SLC25A37: variants seen among roughly 807,000 people sequenced by gnomAD.
The protein encoded by SLC25A37 is solute carrier family 25 member 37.
In SLC25A37, 17 loss-of-function variants were observed where a neutral mutation model predicts 31.0. The observed-to-expected ratio is 0.55, with a 90% CI of 0.38 to 0.82. SLC25A37 has a LOEUF of 0.82. Ranked by LOEUF, SLC25A37 falls within the 40% of genes least tolerant of loss-of-function variation. The probability of loss-of-function intolerance (pLI) is 0.00; values close to 1 mark genes in which losing one functional copy is unlikely to be tolerated. For synonymous variants in SLC25A37, 222 were observed against 193.0 expected, an observed-to-expected ratio of 1.15 and a Z score of -1.24; for missense variants, 404 against 465.8, an observed-to-expected ratio of 0.87 and a Z score of 1.22.
At chr8:23,561,144 C>G (rs1034621911) in intron 1 of SLC25A37, among the ~76,000 whole-genome samples, 4 of 152,188 alleles carry the variant, frequency 2.6e-5, no homozygotes, top group African/African-American at 9.6e-5. Context: ...TTGCATGACT[C>G]ACTTCCCAAG....
In SLC25A37 at chr8:23,533,942, C is replaced by G. The variant is rs548190189; in HGVS notation, c.210+4730C>G. ...CTCTTTCTCTTTTTTTTCTCCCTCT[C>G]TCTCTCTTTTTTTTTGTTTTTTTGA... is the stretch of plus-strand genomic sequence containing the variant. On this transcript the variant is annotated intron_variant, in intron 1 of 3. Coordinates refer to ENST00000519973, the MANE Select transcript of SLC25A37 (RefSeq NM_016612.4). 8.5e-5 allele frequency among the ~76,000 whole-genome samples: 4 copies of G among 47,170 alleles called. No individual in the cohort carries two copies. In the East Asian group the frequency reaches 3.0e-3, roughly 36 times the overall value. 30.9% of individuals were successfully genotyped at this position (47,170 alleles called of 152,430 possible).
rs760035192 is a variant in SLC25A37, at chr8:23,574,142, G to T, written c.*2287G>T. 6.0e-6 allele frequency: 2 copies of T among 330,792 alleles called. No individual in the cohort carries two copies. Among genetic ancestry groups the T allele is most frequent in the East Asian group, 7.8e-5 (1 of 12,830 alleles). The allele number at this position is 330,792 out of a possible 1,614,324, so 20.5% of individuals were successfully genotyped here. ...GAAAATAAACTTGATTTCTCTAGGA[G>T]CACTCCTTTGGTTAGAGGGATGCAA... On this transcript the variant is annotated 3_prime_UTR_variant, in exon 4 of 4. Transcript: ENST00000519973.
intron 1 of SLC25A37, among the ~76,000 whole-genome samples, chr8:23,551,156 A>G (rs919153964): frequency 1.3e-5 from 2 of 152,226 alleles, no homozygotes; most frequent in Non-Finnish European, 2.9e-5. Flanking sequence ...TGAACTTCCC[A>G]GAGCACTTTT....
chr8:23,538,407 C>CAAAAAAAAAAAAAAAAAAAAAAAAAAAA (rs1491125942), intron 1 of SLC25A37, among the ~76,000 whole-genome samples: 1 of 85,950 alleles, frequency 1.2e-5, no homozygotes, highest in African/African-American at 4.0e-5. Context: ...AAAAAAAAAA[C>CAAAAAAAAAAAAAAAAAAAAAAAAAAAA]CAGAAAAAAA....
intron 1 of SLC25A37, among the ~76,000 whole-genome samples, chr8:23,542,650 A>G (rs1801926560): frequency 7.0e-6 from 1 of 143,726 alleles, no homozygotes; most frequent in Non-Finnish European, 1.5e-5. Flanking sequence ...GAGTGTTGGG[A>G]TTACAGGTGT....
intron 1 of SLC25A37, among the ~76,000 whole-genome samples, chr8:23,537,911 G>A (rs1379286092): frequency 6.6e-6 from 1 of 152,098 alleles, no homozygotes; most frequent in Non-Finnish European, 1.5e-5. Flanking sequence ...TGTTTGCCTT[G>A]CATGTAAAGC....
intron 1 of SLC25A37, among the ~76,000 whole-genome samples, chr8:23,543,571 C>T (rs1248068162): frequency 6.6e-6 from 1 of 152,090 alleles, no homozygotes; most frequent in Non-Finnish European, 1.5e-5. Flanking sequence ...ACAGGTGTAC[C>T]ATTAAAAAAA....
intron 1 of SLC25A37, among the ~76,000 whole-genome samples, chr8:23,560,664 C>T (rs1802492844): frequency 6.6e-6 from 1 of 152,232 alleles, no homozygotes; most frequent in South Asian, 2.1e-4. Context: ...TTCTGGGCCA[C>T]TTGCCTCTGT....
In SLC25A37 at chr8:23,572,031, C is replaced by T. The variant is rs1161813011; in HGVS notation, c.*176C>T. On this transcript the variant is annotated 3_prime_UTR_variant, in exon 4 of 4. Transcript: ENST00000519973. ...CGGCCGCTCACCGGAAGGCTGTGTG[C>T]GGGGACATCCGAGGTGGTGGTGGAC... 8.7e-6 allele frequency: 6 copies of T among 686,326 alleles called. No individual in the cohort carries two copies. The highest frequency in any genetic ancestry group is 1.8e-5 in the African/African-American group (1 of 54,884). The allele number at this position is 686,326 out of a possible 1,614,324, so 42.5% of individuals were successfully genotyped here.
In SLC25A37 at chr8:23,535,839, C is replaced by G. The variant is rs554054484; in HGVS notation, c.210+6627C>G. Among the ~76,000 whole-genome samples the G allele has an allele frequency of 1.3e-5, 2 of 152,272 alleles. 1 individual carries two copies. Among genetic ancestry groups the G allele is most frequent in the South Asian group, 4.1e-4 (2 of 4,822 alleles). On this transcript the variant is annotated intron_variant, in intron 1 of 3. Transcript: ENST00000519973. ...TATAAAATCATCAGATCTCGTGAGA[C>G]TTATTCACTACCATGAGAACAGTGT...
chr8:23,573,911 C>A lies in SLC25A37; in HGVS notation c.*2056C>A. On this transcript the variant is annotated 3_prime_UTR_variant, in exon 4 of 4. Coordinates refer to ENST00000519973, the MANE Select transcript of SLC25A37 (RefSeq NM_016612.4). ...TCCACGCTACTGTTGAAAATGTTTA[C>A]ATCTCCGCTCTCAACCTGCCTTGGG... 4.4e-6 allele frequency: 2 copies of A among 452,142 alleles called. No individual in the cohort carries two copies. Among genetic ancestry groups the A allele is most frequent in the South Asian group, 3.1e-5 (2 of 64,422 alleles). 28.0% of individuals were successfully genotyped at this position (452,142 alleles called of 1,614,324 possible). A position where few individuals can be genotyped will look rare whatever the true frequency, so the allele number is the denominator to read the frequency against.
Position 23,571,592 on chromosome 8 carries a change from A to G in SLC25A37, c.754A>G (p.Thr252Ala), listed in dbSNP as rs1459999312. The change falls in exon 4 of 4, where the codon ACG (threonine) becomes GCG (alanine). Residue 252 changes from threonine to alanine, a missense_variant. Physicochemically the swap from Thr to Ala is moderately conservative, Grantham distance 58. Around this residue, in one of 3 missense-constraint regions of SLC25A37, gnomAD observed 243 missense variants for 284.4 expected, o/e 0.85. Coordinates refer to ENST00000519973, the MANE Select transcript of SLC25A37 (RefSeq NM_016612.4). ...GGCCGGGGCCCTCGCCGCGGCCGCCACGACCCCCCTGGACGTCTGTAAGAC... is the reference window on the plus strand; with the variant it reads ...GGCCGGGGCCCTCGCCGCGGCCGCCGCGACCCCCCTGGACGTCTGTAAGAC... ...GLAGALAAAA[T>A]TPLDVCKTLL... is the part of the protein sequence containing the mutation. The G allele has an allele frequency of 1.9e-6, 3 of 1,613,670 alleles. No homozygotes were observed. The highest frequency in any genetic ancestry group is 2.2e-5 in the East Asian group (1 of 44,878).
chr8:23,554,962 A>G (rs1802324630), intron 1 of SLC25A37, among the ~76,000 whole-genome samples: 1 of 152,202 alleles, frequency 6.6e-6, no homozygotes, highest in African/African-American at 2.4e-5. Flanking sequence ...ACACCTGATC[A>G]TAAAGTAAAT....
chr8:23,562,668 G>T (rs1585199066), intron 1 of SLC25A37, among the ~76,000 whole-genome samples: 1 of 152,140 alleles, frequency 6.6e-6, no homozygotes, highest in Non-Finnish European at 1.5e-5. Context: ...CTCGACAGGG[G>T]ACTCTTGTGT....
At position 23,574,143 on chromosome 8, in the gene SLC25A37, C is replaced by T. The variant is rs1004565621; in HGVS notation, c.*2288C>T. 24 of 328,872 alleles carry T rather than the reference C, an allele frequency of 7.3e-5. No individual in the cohort carries two copies. Among genetic ancestry groups the T allele is most frequent in the African/African-American group, 5.2e-4 (24 of 46,322 alleles). The allele number at this position is 328,872 out of a possible 1,614,324, so 20.4% of individuals were successfully genotyped here. ...AAAATAAACTTGATTTCTCTAGGAG[C>T]ACTCCTTTGGTTAGAGGGATGCAAG... On this transcript the variant is annotated 3_prime_UTR_variant, in exon 4 of 4. Transcript: ENST00000519973.
chr8:23,543,538 T>C (rs932417459), intron 1 of SLC25A37, among the ~76,000 whole-genome samples: 1 of 152,044 alleles, frequency 6.6e-6, no homozygotes, highest in Non-Finnish European at 1.5e-5. Flanking sequence ...TTCTGCAGGC[T>C]CCATTCATGG....
chr8:23,549,831 C>G lies in SLC25A37; in HGVS notation c.211-16277C>G, dbSNP rs1802174750. ...CCCAGCTTTGATGGGGCTTACATCC[C>G]CAGCTGTTAACCTGTGGGGTGGGCC... On this transcript the variant is annotated intron_variant, in intron 1 of 3. Transcript: ENST00000519973. 1.5e-5 allele frequency among the ~76,000 whole-genome samples: 2 copies of G among 136,858 alleles called. 1 individual carries two copies. The highest frequency in any genetic ancestry group is 6.6e-5 in the African/African-American group (2 of 30,324). 89.8% of individuals were successfully genotyped at this position (136,858 alleles called of 152,430 possible).
At chr8:23,532,339 C>A (rs534406275) in intron 1 of SLC25A37, among the ~76,000 whole-genome samples, 1 of 152,124 alleles carries the variant, frequency 6.6e-6, no homozygotes, top group Non-Finnish European at 1.5e-5. Context: ...GGGCTCTCAC[C>A]AAATGGTGGC....
chr8:23,539,385 A>G lies in SLC25A37; in HGVS notation c.210+10173A>G, dbSNP rs1585446064. ...GTTCTGGCTGGCCACGTGGTCTGTG[A>G]TGGCTGTCACTGGTGAAAGAGAGAC... On this transcript the variant is annotated intron_variant, in intron 1 of 3. Coordinates refer to ENST00000519973, the MANE Select transcript of SLC25A37 (RefSeq NM_016612.4). Among the ~76,000 whole-genome samples, 2 of 152,228 alleles carry G rather than the reference A, an allele frequency of 1.3e-5. 1 individual carries two copies. Among genetic ancestry groups the G allele is most frequent in the Admixed American group, 1.3e-4 (2 of 15,298 alleles).
Sources: allele counts gnomAD v4.1 joint callset (sites outside exome capture counted in the v4.1 genomes callset), GRCh38; gene constraint gnomAD v4.1.1; regional missense constraint gnomAD v4.1.1; transcripts MANE v1.5; gene names NCBI Gene and HGNC (gene_info 2026-07-23, HGNC 2026-07-21).